The following PRKAG2 variants were observed in gnomAD, a reference collection of about 807,000 sequenced individuals.
PRKAG2 encodes 5'-AMP-activated protein kinase subunit gamma-2.
A neutral mutation model predicts 69.6 loss-of-function variants in PRKAG2; 26 were observed. The ratio of observed to expected loss-of-function variants is 0.37; its 90% CI spans 0.27 to 0.52. PRKAG2 has a LOEUF of 0.52. PRKAG2 is among the 20% of genes least tolerant of loss of function. PRKAG2 has a pLI of 0.90. For missense variants in PRKAG2, 557 were observed against 740.0 expected, an observed-to-expected ratio of 0.75 and a Z score of 2.87; for synonymous variants, 293 against 285.0, an observed-to-expected ratio of 1.03 and a Z score of -0.28.
chr7:151,577,716 AT>A (rs1363460564), intron 6 of PRKAG2, among the ~76,000 whole-genome samples: 1 of 152,072 alleles, frequency 6.6e-6, no homozygotes, highest in Admixed American at 6.5e-5. Context: ...TGAAAAAAAA[AT>A]CCACCTCTCA....
intron 3 of PRKAG2, among the ~76,000 whole-genome samples, chr7:151,763,318 C>T (rs1212016442): frequency 6.6e-6 from 1 of 152,364 alleles, no homozygotes; most frequent in Middle Eastern, 3.4e-3. Flanking sequence ...TCCAGCCATC[C>T]CGGCACAGAG....
intron 3 of PRKAG2, among the ~76,000 whole-genome samples, chr7:151,710,131 T>C (rs1795044512): frequency 1.3e-5 from 2 of 152,252 alleles, no homozygotes; most frequent in South Asian, 4.1e-4. Flanking sequence ...GGGCCGGCCT[T>C]TGGGAGCCGC....
chr7:151,867,432 G>A lies in PRKAG2; in HGVS notation c.114+9075C>T, dbSNP rs116760035. On this transcript the variant is annotated intron_variant, in intron 1 of 15. Coordinates refer to ENST00000287878, the MANE Select transcript of PRKAG2 (RefSeq NM_016203.4). ...TCCACCCTTCAGCGGCCCATATTCC[G>A]AGGCTCGTGGCAGCAGCTCTGCAAT... 9.6e-3 allele frequency among the ~76,000 whole-genome samples: 1,467 copies of A among 152,170 alleles called. 18 individuals are homozygous for A. The highest frequency in any genetic ancestry group is 0.033 in the African/African-American group (1,359 of 41,516).
chr7:151,806,155 C>G (rs544114604), intron 1 of PRKAG2, among the ~76,000 whole-genome samples: 2 of 152,222 alleles, frequency 1.3e-5, no homozygotes, highest in Non-Finnish European at 2.9e-5. Context: ...CACCACTGCA[C>G]CCCAGCTTGG....
chr7:151,721,907 T>C (rs1438992360), intron 3 of PRKAG2, among the ~76,000 whole-genome samples: 1 of 152,086 alleles, frequency 6.6e-6, no homozygotes, highest in Non-Finnish European at 1.5e-5. Flanking sequence ...TATCTGCCTA[T>C]CCCAACCCTG....
intron 5 of PRKAG2, among the ~76,000 whole-genome samples, chr7:151,620,872 A>C (rs1056978032): frequency 6.6e-6 from 1 of 152,096 alleles, no homozygotes; most frequent in Non-Finnish European, 1.5e-5. Context: ...TCCTGGGCTC[A>C]AGTGATTCAC....
At chr7:151,575,414 C>G (rs537802512) in intron 7 of PRKAG2, among the ~76,000 whole-genome samples, 1 of 152,078 alleles carries the variant, frequency 6.6e-6, no homozygotes, top group African/African-American at 2.4e-5. Context: ...CAGGATGATA[C>G]GGATGAAAAA....
Position 151,567,533 on chromosome 7 carries a change from T to G in PRKAG2, c.1233+1183A>C, listed in dbSNP as rs1806539397. Among the ~76,000 whole-genome samples the G allele has an allele frequency of 6.6e-6, 1 of 152,072 alleles. No individual in the cohort carries two copies. Among genetic ancestry groups the G allele is most frequent in the Admixed American group, 6.5e-5 (1 of 15,272 alleles). ...TGAATACATCCTTCCCACCCCATGCTCCCTCTGTTCCTATTAAACTTCAAC... is the reference window on the plus strand; with the variant it reads ...TGAATACATCCTTCCCACCCCATGCGCCCTCTGTTCCTATTAAACTTCAAC... On this transcript the variant is annotated intron_variant, in intron 11 of 15. Transcript: ENST00000287878. The surrounding 1 kb of genome is among the most constrained non-coding windows in gnomAD (Gnocchi z 4.2).
chr7:151,588,594 A>G (rs923553221), intron 6 of PRKAG2, among the ~76,000 whole-genome samples: 8 of 152,140 alleles, frequency 5.3e-5, no homozygotes, highest in Non-Finnish European at 1.0e-4. Context: ...TCCAGGCCTC[A>G]AGTGATCCAC....
Position 151,831,063 on chromosome 7 carries a change from A to G in PRKAG2, c.115-44522T>C, listed in dbSNP as rs150186482. On this transcript the variant is annotated intron_variant, in intron 1 of 15. Transcript: ENST00000287878. Reference sequence around the variant, plus strand: ...TCACACCCACTAGGACAGCTAGAACATAAGAGAGACAATTACAAGTGTTGA... The same window carrying G: ...TCACACCCACTAGGACAGCTAGAACGTAAGAGAGACAATTACAAGTGTTGA... 5.1e-4 allele frequency among the ~76,000 whole-genome samples: 78 copies of G among 152,256 alleles called. No homozygotes were observed. In the East Asian group the frequency reaches 0.01, roughly 20 times the overall value.
chr7:151,745,582 G>C (rs2074228486), intron 3 of PRKAG2, among the ~76,000 whole-genome samples: 1 of 152,150 alleles, frequency 6.6e-6, no homozygotes, highest in African/African-American at 2.4e-5. Flanking sequence ...ACAAGAGGGT[G>C]ATTTTTTTGG....
chr7:151,605,160 G>A (rs1817203582), intron 5 of PRKAG2, among the ~76,000 whole-genome samples: 1 of 151,796 alleles, frequency 6.6e-6, no homozygotes, highest in African/African-American at 2.4e-5. Flanking sequence ...TGGATTATAG[G>A]TGTGGGAAAA....
chr7:151,750,823 G>A (rs2074617280), intron 3 of PRKAG2, among the ~76,000 whole-genome samples: 1 of 151,616 alleles, frequency 6.6e-6, no homozygotes. Flanking sequence ...AGAGGTTGCA[G>A]TGAGCCAAGA....
intron 15 of PRKAG2, 79 bp downstream of exon 15, chr7:151,560,445 G>C (rs1465065059): frequency 1.9e-6 from 3 of 1,612,126 alleles, no homozygotes; most frequent in South Asian, 2.2e-5. Flanking sequence ...GAGAAATGAT[G>C]GTTTAAATGC....
intron 3 of PRKAG2, among the ~76,000 whole-genome samples, chr7:151,757,319 C>T (rs570922214): frequency 1.4e-4 from 22 of 152,260 alleles, no homozygotes; most frequent in East Asian, 7.7e-4. Context: ...TGTGATCCAA[C>T]GCTGAAATGG....
chr7:151,703,845 AAC>A (rs535818189), intron 3 of PRKAG2, among the ~76,000 whole-genome samples: 5,958 of 88,054 alleles, frequency 0.068, 128 homozygotes, highest in Middle Eastern at 0.1. Context: ...TTTACTGGAA[AAC>A]ACACACACAC....
intron 3 of PRKAG2, among the ~76,000 whole-genome samples, chr7:151,694,019 TCAC>T (rs1333335708): frequency 1.3e-5 from 2 of 152,134 alleles, no homozygotes; most frequent in South Asian, 2.1e-4. Flanking sequence ...TTACAGTTGC[TCAC>T]CACCACACCC....
intron 3 of PRKAG2, among the ~76,000 whole-genome samples, chr7:151,721,145 T>C (rs1163349871): frequency 6.6e-6 from 1 of 151,824 alleles, no homozygotes; most frequent in Non-Finnish European, 1.5e-5. Flanking sequence ...TGGGGCAGCC[T>C]GGCCACCTAC....
At position 151,570,199 on chromosome 7, in the gene PRKAG2, G is replaced by C; in HGVS notation, c.1078C>G (p.Pro360Ala). Residue 360 changes from proline (P) to alanine (A), a missense_variant, in exon 10 of 16, where the codon CCT becomes GCT. Pro to Ala is a conservative substitution (Grantham distance 27). Coordinates refer to ENST00000287878, the MANE Select transcript of PRKAG2 (RefSeq NM_016203.4). ...RELYLQETFK[P>A]LVNISPDASL... The stretch of plus-strand genomic sequence containing the variant: ...GCATCTGGAGATATATTCACTAAAG[G>C]CTTAAATGTTTCTTGTAAATAAAGC... 1 of 1,602,278 alleles carries C rather than the reference G, an allele frequency of 6.2e-7. No homozygotes were observed.
Sources: allele counts gnomAD v4.1 joint callset (sites outside exome capture counted in the v4.1 genomes callset), GRCh38; gene constraint gnomAD v4.1.1; non-coding constraint Gnocchi (gnomAD v3.1); transcripts MANE v1.5; gene names NCBI Gene and HGNC (gene_info 2026-07-23, HGNC 2026-07-21).